Variants in FOXM1 observed in about 807,000 individuals in gnomAD.
FOXM1 encodes forkhead box M1, also known as forkhead box protein M1.
A neutral mutation model predicts 63.6 loss-of-function variants in FOXM1; 25 were observed. The ratio of observed to expected loss-of-function variants is 0.39; its 90% CI spans 0.29 to 0.55. The LOEUF (loss-of-function observed/expected upper bound fraction) is 0.55. FOXM1 is among the 20% of genes least tolerant of loss of function. The pLI, the probability that FOXM1 is intolerant of heterozygous loss-of-function variation, is 0.60. For synonymous variants in FOXM1, 387 were observed against 376.9 expected, an observed-to-expected ratio of 1.03 and a Z score of -0.31; for missense variants, 879 against 958.7, an observed-to-expected ratio of 0.92 and a Z score of 1.10.
In FOXM1 at chr12:2,874,613, C is replaced by T; in HGVS notation, c.-47-88G>A. The stretch of plus-strand genomic sequence containing the variant: ...GAGAAAGGTGCTCCTCTTTATATGA[C>T]CAGGAACATGAGCCTAAAGGCCCAG... On this transcript the variant is annotated intron_variant, in intron 1 of 8. Coordinates refer to ENST00000359843, the MANE Select transcript of FOXM1 (RefSeq NM_021953.4). This position sits in a 1 kb window ranked among gnomAD's most constrained non-coding sequence, Gnocchi z 4.3. 1.1e-6 allele frequency: 1 copy of T among 890,868 alleles called. No individual in the cohort carries two copies. Among genetic ancestry groups the T allele is most frequent in the Non-Finnish European group, 1.7e-6 (1 of 580,986 alleles). 55.2% of individuals were successfully genotyped at this position (890,868 alleles called of 1,614,324 possible).
rs1005853944 is a variant in FOXM1, at chr12:2,873,426, A to G, written c.502+551T>C. ...AAAAAAAAAAAAAAAAAAGAAGGAAAATGAAGTCAGGCGCTGTCGTTCATG... is the reference window on the plus strand; with the variant it reads ...AAAAAAAAAAAAAAAAAAGAAGGAAGATGAAGTCAGGCGCTGTCGTTCATG... On this transcript the variant is annotated intron_variant, in intron 2 of 8. Coordinates refer to ENST00000359843, the MANE Select transcript of FOXM1 (RefSeq NM_021953.4). Among the ~76,000 whole-genome samples the G allele has an allele frequency of 2.0e-5, 3 of 151,018 alleles. No homozygotes were observed. In the South Asian group the frequency reaches 6.3e-4, roughly 32 times the overall value.
At chr12:2,876,746 A>G (rs886746202) in intron 1 of FOXM1, among the ~76,000 whole-genome samples, 174 bp downstream of exon 1, 4 of 152,190 alleles carry the variant, frequency 2.6e-5, no homozygotes, top group Non-Finnish European at 5.9e-5. Flanking sequence ...GGCCACGGCC[A>G]GGAGGTGGAC....
intron 3 of FOXM1, 22 bp from the exon 4 acceptor site, chr12:2,868,776 A>G (rs1242076783): frequency 3.1e-6 from 5 of 1,594,172 alleles, no homozygotes; most frequent in Non-Finnish European, 4.3e-6. Flanking sequence ...GACACAGGGA[A>G]TGACATGAAA....
Position 2,859,626 on chromosome 12 carries a change from G to A in FOXM1, c.1304C>T (p.Ser435Phe). The A allele has an allele frequency of 6.2e-7, 1 of 1,611,766 alleles. No homozygotes were observed. Among genetic ancestry groups the A allele is most frequent in the South Asian group, 1.1e-5 (1 of 90,734 alleles). Residue 435 changes from serine to phenylalanine, a missense_variant, in exon 9 of 9, where the codon TCT becomes TTT. This residue lies in a region of FOXM1 where 486 missense variants were observed against 453.5 expected (regional missense o/e 1.07). Transcript: ENST00000359843. ...LAEEGIAPLS[S>F]AGPGKEEKLL... The stretch of plus-strand genomic sequence containing the variant: ...TTTCTCCTCTTTCCCTGGTCCTGCA[G>A]AAGAAAGAGGAGCTATCCCCTCCTC...
At chr12:2,873,691 C>T (rs1477398702) in intron 2 of FOXM1, among the ~76,000 whole-genome samples, 1 of 151,908 alleles carries the variant, frequency 6.6e-6, no homozygotes, top group Non-Finnish European at 1.5e-5. Context: ...GATTCTCCTG[C>T]CTCAGCCTCC....
At chr12:2,863,643 C>A (rs1357999356) in intron 8 of FOXM1, 1 of 152,012 alleles carries the variant, frequency 6.6e-6, no homozygotes, top group African/African-American at 2.4e-5. Context: ...AATACCCCTG[C>A]CTCGGCCTCC....
chr12:2,858,982 A>G lies in FOXM1; in HGVS notation c.1948T>C (p.Leu650=). ...VQTSQGASDP[L]PDPLGLMDLS... ...TCCATCAGCCCCAGGGGGTCAGGCA[A>G]GGGGTCAGAGGCACCCTGGGAGGTT... Residue 650 remains leucine (L), a synonymous_variant, in exon 9 of 9, where the codon TTG becomes CTG. Coordinates refer to ENST00000359843, the MANE Select transcript of FOXM1 (RefSeq NM_021953.4). 1 of 1,613,434 alleles carries G rather than the reference A, an allele frequency of 6.2e-7. No individual in the cohort carries two copies. The highest frequency in any genetic ancestry group is 8.5e-7 in the Non-Finnish European group (1 of 1,179,844).
Position 2,872,435 on chromosome 12 carries a change from C to T in FOXM1, c.503-188G>A, listed in dbSNP as rs1237766677. ...GACCAGCCTGGCCAACATGGTGAAA[C>T]CTCGTCTCTACTAAAAATACAAAAT... is the stretch of plus-strand genomic sequence containing the variant. On this transcript the variant is annotated intron_variant, in intron 2 of 8. Transcript: ENST00000359843. The surrounding 1 kb of genome is among the most constrained non-coding windows in gnomAD (Gnocchi z 4.0). 6.6e-6 allele frequency among the ~76,000 whole-genome samples: 1 copy of T among 152,098 alleles called. No homozygotes were observed. Among genetic ancestry groups the T allele is most frequent in the African/African-American group, 2.4e-5 (1 of 41,418 alleles).
Position 2,866,396 on chromosome 12 carries a change from A to G in FOXM1, c.972T>C (p.Phe324=), listed in dbSNP as rs371728843. ...TAGAGGAAAGCAGGGCATTCACCTT[A>G]AACACCTGGTCCAATGTCAAGTAGC... ...ANRYLTLDQV[F]KPLDPGSPQL... Residue 324 remains phenylalanine (F), a synonymous_variant, in exon 5 of 9, where the codon TTT becomes TTC. Coordinates refer to ENST00000359843, the MANE Select transcript of FOXM1 (RefSeq NM_021953.4). 130 of 1,478,182 alleles carry G rather than the reference A, an allele frequency of 8.8e-5. 1 individual carries two copies. The highest frequency in any genetic ancestry group is 4.9e-4 in the Admixed American group (19 of 39,106). 91.6% of individuals were successfully genotyped at this position (1,478,182 alleles called of 1,614,324 possible).
rs915122547 is a variant in FOXM1, at chr12:2,858,389, A to T, written c.*249T>A. On this transcript the variant is annotated 3_prime_UTR_variant, in exon 9 of 9. Transcript: ENST00000359843. ...GCTGGGGGGTTCCTAATCTCTTTTC[A>T]CCATTGCCTTTGTTGTTCCCACCCT... 1.5e-5 allele frequency: 7 copies of T among 482,658 alleles called. No individual in the cohort carries two copies. The highest frequency in any genetic ancestry group is 7.0e-5 in the Admixed American group (2 of 28,524). The allele number at this position is 482,658 out of a possible 1,614,324, so 29.9% of individuals were successfully genotyped here.
rs2098137989 is a variant in FOXM1, at chr12:2,874,167, G to A, written c.312C>T (p.Asn104=). Reference sequence around the variant, plus strand: ...CCCCACAGCTGATGAGGATGAATTTGTTGGGCCCACTACTGCCACTCTCTT... The same window carrying A: ...CCCCACAGCTGATGAGGATGAATTTATTGGGCCCACTACTGCCACTCTCTT... The part of the protein sequence containing the change: ...KGKESGSSGP[N]KFILISCGGA... Residue 104 remains asparagine (N), a synonymous_variant, in exon 2 of 9, where the codon AAC becomes AAT. Transcript: ENST00000359843. The surrounding 1 kb of genome is among the most constrained non-coding windows in gnomAD (Gnocchi z 4.3). 1 of 1,614,080 alleles carries A rather than the reference G, an allele frequency of 6.2e-7. No homozygotes were observed.
In FOXM1 at chr12:2,874,374, G is replaced by C; in HGVS notation, c.105C>G (p.Ser35=). The C allele has an allele frequency of 6.2e-7, 1 of 1,614,076 alleles. No homozygotes were observed. ...SETSEEEPKR[S]PAQQESNQAE... is the part of the protein sequence containing the mutation. ...CTTGATTAGACTCCTGTTGGGCAGG[G>C]GATCTCTTAGGTTCCTCCTCTGATG... The change falls in exon 2 of 9, where the codon TCC becomes TCG. Residue 35 remains serine, a synonymous_variant. Coordinates refer to ENST00000359843, the MANE Select transcript of FOXM1 (RefSeq NM_021953.4). The surrounding 1 kb of genome is among the most constrained non-coding windows in gnomAD (Gnocchi z 4.3).
At position 2,858,778 on chromosome 12, in the gene FOXM1, G is replaced by C. The variant is rs2098098728; in HGVS notation, c.2152C>G (p.Leu718Val). The change falls in exon 9 of 9, where the codon CTG becomes GTG. Residue 718 changes from leucine (L) to valine (V), a missense_variant. Leu to Val is a conservative substitution (Grantham distance 32). Around this residue, in one of 4 missense-constraint regions of FOXM1, gnomAD observed 486 missense variants for 453.5 expected, o/e 1.07. Coordinates refer to ENST00000359843, the MANE Select transcript of FOXM1 (RefSeq NM_021953.4). ...GTGTCCAGGACCAGGCCTTCTGTCA[G>C]AGAACGATTGGCTGCAAGGCCAGAA... The part of the protein sequence containing the change: ...QVSGLAANRS[L>V]TEGLVLDTMN... 2 of 1,614,126 alleles carry C rather than the reference G, an allele frequency of 1.2e-6. No individual in the cohort carries two copies. Among genetic ancestry groups the C allele is most frequent in the Admixed American group, 1.7e-5 (1 of 60,012 alleles).
rs916681055 is a variant in FOXM1, at chr12:2,872,681, A to C, written c.503-434T>G. Reference sequence around the variant, plus strand: ...ACCTCTGCCTTTAGGGACGGAGAACACATGCTGAATCTATTGTGGCTCTAA... The same window carrying C: ...ACCTCTGCCTTTAGGGACGGAGAACCCATGCTGAATCTATTGTGGCTCTAA... On this transcript the variant is annotated intron_variant, in intron 2 of 8. Coordinates refer to ENST00000359843, the MANE Select transcript of FOXM1 (RefSeq NM_021953.4). The surrounding 1 kb of genome is among the most constrained non-coding windows in gnomAD (Gnocchi z 4.0). Among the ~76,000 whole-genome samples, 1 of 152,182 alleles carries C rather than the reference A, an allele frequency of 6.6e-6. No homozygotes were observed. Among genetic ancestry groups the C allele is most frequent in the Non-Finnish European group, 1.5e-5 (1 of 68,034 alleles).
At chr12:2,865,534 G>T in intron 5 of FOXM1, 135 bp from the exon 6 acceptor site, 1 of 567,918 alleles carries the variant, frequency 1.8e-6, no homozygotes, top group Non-Finnish European at 3.0e-6. Context: ...CCTCCCAGGA[G>T]AATGGTTACA....
rs2098138279 is a variant in FOXM1, at chr12:2,874,315, G to A, written c.164C>T (p.Ser55Phe). ...CTTGATCCCAGCTGGAAACTTGCAA[G>A]AGTTGGACTCTGCCACTTCCTTGGA... ...EASKEVAESN[S>F]CKFPAGIKII... Residue 55 changes from serine (S) to phenylalanine (F), a missense_variant, in exon 2 of 9, where the codon TCT (serine) becomes TTT (phenylalanine). Ser to Phe is a radical substitution (Grantham distance 155). Around this residue, in one of 4 missense-constraint regions of FOXM1, gnomAD observed 255 missense variants for 292.4 expected, o/e 0.87. Transcript: ENST00000359843. The surrounding 1 kb of genome is among the most constrained non-coding windows in gnomAD (Gnocchi z 4.3). 6.2e-7 allele frequency: 1 copy of A among 1,614,188 alleles called. No homozygotes were observed. The highest frequency in any genetic ancestry group is 1.3e-5 in the African/African-American group (1 of 75,048).
rs558896712 is a variant in FOXM1 at position 2,874,805 on chromosome 12, C to T, written c.-47-280G>A. On this transcript the variant is annotated intron_variant, in intron 1 of 8. Transcript: ENST00000359843. This position sits in a 1 kb window ranked among gnomAD's most constrained non-coding sequence, Gnocchi z 4.3. ...CTTGAAGCTTCAGAATATTTGGCTA[C>T]AGAAATGGATGGGATAGCTACAAAT... 2.0e-5 allele frequency among the ~76,000 whole-genome samples: 3 copies of T among 152,140 alleles called. No homozygotes were observed. The highest frequency in any genetic ancestry group is 4.8e-5 in the African/African-American group (2 of 41,520).
chr12:2,870,798 A>C (rs1247775588), intron 3 of FOXM1, among the ~76,000 whole-genome samples: 9 of 151,478 alleles, frequency 5.9e-5, no homozygotes, highest in African/African-American at 2.2e-4. Flanking sequence ...ATCTCTACTA[A>C]AAATACAAAA....
At position 2,864,873 on chromosome 12, in the gene FOXM1, G is replaced by T; in HGVS notation, c.1021-121C>A. 1 of 1,089,814 alleles carries T rather than the reference G, an allele frequency of 9.2e-7. No homozygotes were observed. The highest frequency in any genetic ancestry group is 1.4e-6 in the Non-Finnish European group (1 of 713,582). 67.5% of individuals were successfully genotyped at this position (1,089,814 alleles called of 1,614,324 possible). On this transcript the variant is annotated intron_variant, in intron 6 of 8. Transcript: ENST00000359843. The surrounding 1 kb of genome is among the most constrained non-coding windows in gnomAD (Gnocchi z 5.1). ...GCTTGAGTTAATGACAGCCCAGAGA[G>T]AGGAGGCCAACCTGAGGGGATGGAC...
Sources: gnomAD v4.1 joint callset for allele counts (sites outside exome capture counted in the v4.1 genomes callset) on GRCh38, gnomAD v4.1.1 for gene constraint, gnomAD v4.1.1 regional missense constraint, Gnocchi (gnomAD v3.1) non-coding constraint, MANE v1.5 for transcripts, NCBI Gene and HGNC (gene_info 2026-07-23, HGNC 2026-07-21) for gene names.